The following UNC13C variants were observed in gnomAD, a reference collection of about 807,000 sequenced individuals.
UNC13C encodes unc-13 homolog C.
In UNC13C, 174 loss-of-function variants were observed where a neutral mutation model predicts 245.4. The ratio of observed to expected loss-of-function variants is 0.71; its 90% confidence interval spans 0.63 to 0.80. UNC13C has a LOEUF of 0.80. Among genes scored for constraint, UNC13C ranks in the 30% least tolerant of loss-of-function variants. UNC13C has a pLI of 0.00. For synonymous variants in UNC13C, 992 were observed against 895.1 expected, an observed-to-expected ratio of 1.11 and a Z score of -1.93; for missense variants, 2,829 against 2,602.9, an observed-to-expected ratio of 1.09 and a Z score of -1.89.
chr15:54,505,146 C>T (rs1894414650), intron 22 of UNC13C, among the ~76,000 whole-genome samples: 1 of 152,106 alleles, frequency 6.6e-6, no homozygotes, highest in African/African-American at 2.4e-5. Context: ...GAACAAGATG[C>T]AACAGTCCCT....
intron 19 of UNC13C, among the ~76,000 whole-genome samples, chr15:54,446,617 T>G (rs1265269662): frequency 6.6e-6 from 1 of 152,216 alleles, no homozygotes; most frequent in Non-Finnish European, 1.5e-5. Context: ...ATAAGAATGC[T>G]TGTGATTTTT....
intron 2 of UNC13C, among the ~76,000 whole-genome samples, chr15:54,132,758 G>A (rs2031506403): frequency 6.6e-6 from 1 of 152,070 alleles, no homozygotes; most frequent in African/African-American, 2.4e-5. Context: ...CTTTTAATAT[G>A]GTGACAAATA....
At chr15:54,426,506 A>G (rs2040762918) in intron 19 of UNC13C, among the ~76,000 whole-genome samples, 1 of 151,276 alleles carries the variant, frequency 6.6e-6, no homozygotes, top group East Asian at 2.0e-4. Context: ...AAAAAAAAAT[A>G]AAAGTTGTAA....
rs377498414 is a variant in UNC13C, at chr15:54,053,264, T to C, written c.2983+37378T>C. On this transcript the variant is annotated intron_variant, in intron 2 of 32. Coordinates refer to ENST00000260323, the MANE Select transcript of UNC13C (RefSeq NM_001080534.3). The stretch of plus-strand genomic sequence containing the variant: ...TCAGGCTGGTCTCGAACTCCTGACC[T>C]CAAGTGATACACTCACCTCAGCCTC... Among the ~76,000 whole-genome samples, 66 of 152,282 alleles carry C rather than the reference T, an allele frequency of 4.3e-4. No homozygotes were observed. The South Asian group carries it at 0.012, about 27-fold the overall frequency.
the UNC13C span, among the ~76,000 whole-genome samples, chr15:53,933,572 T>G: frequency 6.6e-6 from 1 of 152,190 alleles, no homozygotes; most frequent in Non-Finnish European, 1.5e-5. Flanking sequence ...TAATATGGTT[T>G]ACACTGTCTG....
At chr15:54,447,765 C>T (rs1224336914) in intron 19 of UNC13C, among the ~76,000 whole-genome samples, 1 of 152,106 alleles carries the variant, frequency 6.6e-6, no homozygotes, top group Non-Finnish European at 1.5e-5. Context: ...TTCTGTGTTG[C>T]TATCTCCTTC....
chr15:54,225,786 G>A (rs1309453927), intron 4 of UNC13C, among the ~76,000 whole-genome samples: 1 of 152,146 alleles, frequency 6.6e-6, no homozygotes, highest in East Asian at 1.9e-4. Context: ...CTTCCCATTT[G>A]AATACCTTTA....
intron 30 of UNC13C, among the ~76,000 whole-genome samples, chr15:54,620,098 G>A (rs1198798052): frequency 1.3e-5 from 2 of 152,082 alleles, no homozygotes; most frequent in African/African-American, 4.8e-5. Context: ...TGACCTAATT[G>A]AAGAGTAAAT....
chr15:54,013,758 A>T lies in UNC13C; in HGVS notation c.855A>T (p.Gln285His). The change falls in exon 2 of 33, where the codon CAA (glutamine) becomes CAT (histidine). Residue 285 changes from glutamine (Q) to histidine (H), a missense_variant. Coordinates refer to ENST00000260323, the MANE Select transcript of UNC13C (RefSeq NM_001080534.3). ...DEISSSVEVV[Q>H]SEIEQLRTGF... ...TCTCCAGCAGTGTGGAGGTTGTACA[A>T]AGTGAAATTGAGCAGTTGCGCACAG... 6.2e-7 allele frequency: 1 copy of T among 1,611,130 alleles called. No homozygotes were observed. The highest frequency in any genetic ancestry group is 8.5e-7 in the Non-Finnish European group (1 of 1,178,722).
chr15:53,956,391 T>C, the UNC13C span, among the ~76,000 whole-genome samples: 1 of 151,966 alleles, frequency 6.6e-6, no homozygotes, highest in African/African-American at 2.4e-5. Flanking sequence ...AATATGTATT[T>C]GCTGCCTATA....
rs374824299 is a variant in UNC13C at position 54,254,065 on chromosome 15, T to C, written c.3448+3621T>C. Among the ~76,000 whole-genome samples, 203 of 152,346 alleles carry C rather than the reference T, an allele frequency of 1.3e-3. 5 individuals carry two copies. Among genetic ancestry groups the C allele is most frequent in the African/African-American group, 4.5e-3 (189 of 41,582 alleles). Reference sequence around the variant, plus strand: ...TTCTACGTGCTTTCTACTGACATTATGTTGAACTTATATGTCCTAAGACAA... The same window carrying C: ...TTCTACGTGCTTTCTACTGACATTACGTTGAACTTATATGTCCTAAGACAA... On this transcript the variant is annotated intron_variant, in intron 8 of 32. Transcript: ENST00000260323.
chr15:53,962,291 A>G, the UNC13C span, among the ~76,000 whole-genome samples: 4 of 152,288 alleles, frequency 2.6e-5, no homozygotes, highest in African/African-American at 9.6e-5. Context: ...TATATAAATC[A>G]TTATATGTGA....
chr15:54,292,680 A>G (rs374741302), intron 10 of UNC13C, among the ~76,000 whole-genome samples: 54 of 151,924 alleles, frequency 3.6e-4, no homozygotes, highest in African/African-American at 1.2e-3. Flanking sequence ...ATAGAATTAA[A>G]TCAATTATAT....
At chr15:54,185,945 T>A (rs1378136394) in intron 4 of UNC13C, among the ~76,000 whole-genome samples, 1,840 of 100,318 alleles carry the variant, frequency 0.018, no homozygotes, top group Middle Eastern at 0.037. Flanking sequence ...TTTTATCTCA[T>A]TGAGCAGTGG....
chr15:54,623,607 T>G (rs2141315109), intron 31 of UNC13C, among the ~76,000 whole-genome samples, 188 bp from the exon 32 acceptor site: 1 of 152,300 alleles, frequency 6.6e-6, no homozygotes, highest in African/African-American at 2.4e-5. Flanking sequence ...CTACACAGCT[T>G]AAAGCTGAAA....
At chr15:54,217,852 G>T (rs562874092) in intron 4 of UNC13C, among the ~76,000 whole-genome samples, 5 of 151,758 alleles carry the variant, frequency 3.3e-5, no homozygotes, top group African/African-American at 7.3e-5. Flanking sequence ...CTTCTGCCAG[G>T]TCCGTAGGCT....
rs188319163 is a variant in UNC13C, at chr15:54,575,037, A to G, written c.6106+7090A>G. ...AGTGGAAGAAATATGTCATTTATTT[A>G]TTTGTTTATTTATTTTGAGATGGAG... On this transcript the variant is annotated intron_variant, in intron 30 of 32. Coordinates refer to ENST00000260323, the MANE Select transcript of UNC13C (RefSeq NM_001080534.3). Among the ~76,000 whole-genome samples, 4 of 151,994 alleles carry G rather than the reference A, an allele frequency of 2.6e-5. No individual in the cohort carries two copies. The East Asian group carries it at 7.7e-4, about 29-fold the overall frequency.
At chr15:54,602,273 C>A (rs186558657) in intron 30 of UNC13C, among the ~76,000 whole-genome samples, 29 of 152,284 alleles carry the variant, frequency 1.9e-4, no homozygotes, top group African/African-American at 6.7e-4. Context: ...TTACACACTA[C>A]GCAGAGTAAC....
chr15:54,114,444 C>G (rs1216008281), intron 2 of UNC13C, among the ~76,000 whole-genome samples: 2 of 152,020 alleles, frequency 1.3e-5, no homozygotes, highest in South Asian at 4.2e-4. Context: ...ATTTTTTATA[C>G]AAATGATGCT....
Sources: gnomAD v4.1 joint callset for allele counts (sites outside exome capture counted in the v4.1 genomes callset) on GRCh38, gnomAD v4.1.1 for gene constraint, MANE v1.5 for transcripts, NCBI Gene and HGNC (gene_info 2026-07-23, HGNC 2026-07-21) for gene names.